MCC: variants seen among roughly 807,000 people sequenced by gnomAD.
MCC encodes the protein colorectal mutant cancer protein.
In MCC, 90 loss-of-function variants were observed where a neutral mutation model predicts 116.2. That is an observed-to-expected ratio of 0.77 (90% CI 0.65 to 0.92). The LOEUF is 0.92. MCC is among the 40% of genes least tolerant of loss of function. MCC has a pLI of 0.00. For missense variants in MCC, 1,516 were observed against 1,312.2 expected, an observed-to-expected ratio of 1.16 and a Z score of -2.40; for synonymous variants, 578 against 510.5, an observed-to-expected ratio of 1.13 and a Z score of -1.78.
chr5:113,327,115 G>A (rs1581401365), intron 3 of MCC, among the ~76,000 whole-genome samples: 1 of 152,134 alleles, frequency 6.6e-6, no homozygotes, highest in Non-Finnish European at 1.5e-5. Context: ...CTTGGGAGAG[G>A]GGTGTGAAGG....
intron 1 of MCC, among the ~76,000 whole-genome samples, chr5:113,473,327 G>A (rs990357784): frequency 1.3e-5 from 2 of 151,940 alleles, no homozygotes; most frequent in Non-Finnish European, 2.9e-5. Flanking sequence ...AGTTTGAGAC[G>A]AGCCTGGGAA....
At chr5:113,056,611 T>C (rs777850683) in intron 14 of MCC, among the ~76,000 whole-genome samples, 4 of 151,972 alleles carry the variant, frequency 2.6e-5, no homozygotes, top group Non-Finnish European at 4.4e-5. Context: ...TCGGAAAAAA[T>C]GACTAATGCA....
intron 3 of MCC, among the ~76,000 whole-genome samples, chr5:113,241,448 T>C (rs2084384801): frequency 6.6e-6 from 1 of 152,102 alleles, no homozygotes; most frequent in Admixed American, 6.6e-5. Flanking sequence ...TAATTTACTC[T>C]CATAGAAACC....
chr5:113,445,729 ACAGAATTAGAAAAAAACTATTCTAATACT>A (rs1194673344), intron 1 of MCC, among the ~76,000 whole-genome samples: 1 of 152,186 alleles, frequency 6.6e-6, no homozygotes, highest in Non-Finnish European at 1.5e-5. Flanking sequence ...GTTGTTTTTC[ACAGAATTAGAAAAAAACTATTCTAATACT>A]CATATAGAAT....
intron 3 of MCC, among the ~76,000 whole-genome samples, chr5:113,207,719 G>A (rs747203372): frequency 8.5e-5 from 13 of 152,140 alleles, no homozygotes; most frequent in Non-Finnish European, 1.8e-4. Flanking sequence ...CACCTTTTCA[G>A]AGTTATACCT....
At chr5:113,351,086 G>A (rs111542402) in intron 2 of MCC, among the ~76,000 whole-genome samples, 111 of 152,142 alleles carry the variant, frequency 7.3e-4, no homozygotes, top group African/African-American at 2.1e-3. Flanking sequence ...CACTGTTGGT[G>A]GGAATGTAAA....
chr5:113,066,434 C>G (rs748031277), intron 13 of MCC, among the ~76,000 whole-genome samples: 14 of 152,092 alleles, frequency 9.2e-5, no homozygotes, highest in Non-Finnish European at 1.8e-4. Context: ...AATGAGGTTT[C>G]TAATGGAAAT....
chr5:113,074,318 C>CTGTTGACCTGCAG (rs1754263984), intron 11 of MCC, among the ~76,000 whole-genome samples: 1 of 152,190 alleles, frequency 6.6e-6, no homozygotes, highest in South Asian at 2.1e-4. Context: ...AGCTGAGGGT[C>CTGTTGACCTGCAG]CTGACTATTA....
At chr5:113,474,664 C>A (rs1390217711) in intron 1 of MCC, among the ~76,000 whole-genome samples, 1 of 152,118 alleles carries the variant, frequency 6.6e-6, no homozygotes, top group Non-Finnish European at 1.5e-5. Flanking sequence ...CTGGAGGGGG[C>A]AAGCCTGCAG....
intron 3 of MCC, among the ~76,000 whole-genome samples, chr5:113,335,944 C>T (rs1174568668): frequency 4.6e-5 from 7 of 151,660 alleles, no homozygotes; most frequent in African/African-American, 2.4e-5. Context: ...TATCTGAAAC[C>T]GGGTAATTTA....
intron 3 of MCC, among the ~76,000 whole-genome samples, chr5:113,257,208 C>T (rs1765040809): frequency 2.0e-5 from 3 of 152,252 alleles, no homozygotes; most frequent in Middle Eastern, 3.4e-3. Flanking sequence ...ACTCCAGGTA[C>T]CACTTCTGGT....
At chr5:113,172,995 T>C (rs1363568429) in intron 3 of MCC, among the ~76,000 whole-genome samples, 4 of 152,194 alleles carry the variant, frequency 2.6e-5, no homozygotes, top group South Asian at 2.1e-4. Context: ...CTGTTTATGT[T>C]CTTTGCCTGT....
chr5:113,162,264 T>G (rs1209337734), intron 3 of MCC, among the ~76,000 whole-genome samples: 1 of 152,152 alleles, frequency 6.6e-6, no homozygotes, highest in African/African-American at 2.4e-5. Flanking sequence ...AAAAAACAGT[T>G]TCATGGTTAA....
At chr5:113,139,717 C>G (rs1456242022) in intron 5 of MCC, among the ~76,000 whole-genome samples, 1 of 152,164 alleles carries the variant, frequency 6.6e-6, no homozygotes, top group Non-Finnish European at 1.5e-5. Flanking sequence ...AGATCTAGAA[C>G]TAGACATACC....
chr5:113,108,546 A>G (rs927741314), intron 6 of MCC, among the ~76,000 whole-genome samples: 1 of 148,086 alleles, frequency 6.8e-6, no homozygotes, highest in Non-Finnish European at 1.5e-5. Flanking sequence ...CCAGCTACTC[A>G]GGAGGCTGAG....
chr5:113,256,994 TCTGGATGG>T (rs1387652981), intron 3 of MCC, among the ~76,000 whole-genome samples: 1 of 152,068 alleles, frequency 6.6e-6, no homozygotes, highest in East Asian at 1.9e-4. Context: ...TGGCAGGAGG[TCTGGATGG>T]TTACTAATCA....
intron 15 of MCC, among the ~76,000 whole-genome samples, chr5:113,050,045 T>G (rs1752383710): frequency 6.6e-6 from 1 of 152,240 alleles, no homozygotes; most frequent in Non-Finnish European, 1.5e-5. Context: ...TAGCCTTTAC[T>G]GAGCACGTGG....
At chr5:113,248,178 T>C (rs1764646401) in intron 3 of MCC, among the ~76,000 whole-genome samples, 1 of 149,890 alleles carries the variant, frequency 6.7e-6, no homozygotes, top group Admixed American at 6.7e-5. Context: ...TACAGTGAGC[T>C]ATAATTGTGC....
chr5:113,118,310 A>T (rs918394569), intron 6 of MCC, among the ~76,000 whole-genome samples: 1 of 152,124 alleles, frequency 6.6e-6, no homozygotes, highest in Non-Finnish European at 1.5e-5. Context: ...CCACTTAATT[A>T]CCTTTATTTT....
Sources: gnomAD v4.1 joint callset for allele counts (sites outside exome capture counted in the v4.1 genomes callset) on GRCh38, gnomAD v4.1.1 for gene constraint, MANE v1.5 for transcripts, NCBI Gene and HGNC (gene_info 2026-07-23, HGNC 2026-07-21) for gene names.